The following PARM1 variants were observed in gnomAD, a reference collection of about 807,000 sequenced individuals.
PARM1 encodes the protein prostate androgen-regulated mucin-like protein 1.
A neutral mutation model predicts 24.6 loss-of-function variants in PARM1; 14 were observed. The observed-to-expected ratio is 0.57, with a 90% CI of 0.38 to 0.89. PARM1 has a LOEUF of 0.89. Among genes scored for constraint, PARM1 ranks in the 40% least tolerant of loss-of-function variants. PARM1 has a pLI of 0.00. For synonymous variants in PARM1, 179 were observed against 156.6 expected (o/e 1.14, Z -1.07); for missense variants, 362 against 380.4 (o/e 0.95, Z 0.40).
At chr4:74,972,216 CTG>C (rs1722052144) in intron 1 of PARM1, among the ~76,000 whole-genome samples, 1 of 152,184 alleles carries the variant, frequency 6.6e-6, no homozygotes, top group African/African-American at 2.4e-5. Context: ...CCACATGGCT[CTG>C]GGATTGCCTG....
intron 1 of PARM1, among the ~76,000 whole-genome samples, chr4:74,992,875 C>A (rs1159290218): frequency 6.6e-6 from 1 of 152,126 alleles, no homozygotes; most frequent in African/African-American, 2.4e-5. Context: ...AGATGAAAAT[C>A]TGGATCTAAA....
rs979524118 is a variant in PARM1 at position 74,946,455 on chromosome 4, A to G, written c.43+13085A>G. On this transcript the variant is annotated intron_variant, in intron 1 of 3. Transcript: ENST00000307428. ...GCCAGTCTTGGGACTTATTTAGGCC[A>G]TGCCAAATTGCCTGCTCTCTTCCAA... Among the ~76,000 whole-genome samples, 7 of 152,346 alleles carry G rather than the reference A, an allele frequency of 4.6e-5. No homozygotes were observed. The South Asian group carries it at 1.5e-3, about 32-fold the overall frequency.
chr4:74,946,146 A>G (rs1353999639), intron 1 of PARM1, among the ~76,000 whole-genome samples: 1 of 152,222 alleles, frequency 6.6e-6, no homozygotes, highest in African/African-American at 2.4e-5. Flanking sequence ...TTTGCCGTTC[A>G]GGTCACTGAG....
chr4:74,990,404 GAA>G (rs1560785293), intron 1 of PARM1, among the ~76,000 whole-genome samples: 1 of 152,114 alleles, frequency 6.6e-6, no homozygotes, highest in Non-Finnish European at 1.5e-5. Context: ...CTGGAAGGAG[GAA>G]AAGTTTTGCA....
At chr4:74,978,757 GTC>G (rs1722187704) in intron 1 of PARM1, among the ~76,000 whole-genome samples, 1 of 151,690 alleles carries the variant, frequency 6.6e-6, no homozygotes, top group African/African-American at 2.4e-5. Context: ...CATCATAACA[GTC>G]TCTCAGACCA....
intron 1 of PARM1, among the ~76,000 whole-genome samples, chr4:74,982,414 A>G (rs1476403038): frequency 6.6e-6 from 1 of 152,222 alleles, no homozygotes; most frequent in Non-Finnish European, 1.5e-5. Flanking sequence ...TTACTTATGT[A>G]ACAAACCTGT....
chr4:75,040,167 A>G (rs17000124), intron 3 of PARM1, among the ~76,000 whole-genome samples: 3,274 of 152,274 alleles, frequency 0.022, 132 homozygotes, highest in African/African-American at 0.075. Context: ...GTTTACTCCT[A>G]ATCAAGAAGA....
chr4:74,971,523 A>G (rs531148033), intron 1 of PARM1, among the ~76,000 whole-genome samples: 3 of 152,312 alleles, frequency 2.0e-5, no homozygotes, highest in Admixed American at 2.0e-4. Flanking sequence ...GGCATATCCT[A>G]TTTTATTAAC....
intron 2 of PARM1, among the ~76,000 whole-genome samples, chr4:75,022,477 A>G (rs1172416987): frequency 1.3e-5 from 2 of 152,188 alleles, no homozygotes; most frequent in South Asian, 2.1e-4. Context: ...GCTATTTACT[A>G]TCTATTTAGT....
chr4:74,984,035 G>C (rs557186752), intron 1 of PARM1, among the ~76,000 whole-genome samples: 1 of 152,320 alleles, frequency 6.6e-6, no homozygotes, highest in South Asian at 2.1e-4. Flanking sequence ...GGAACTACAG[G>C]TGTGTGCCAC....
intron 2 of PARM1, among the ~76,000 whole-genome samples, chr4:75,023,759 A>G (rs1017416058): frequency 3.3e-5 from 5 of 152,228 alleles, no homozygotes; most frequent in African/African-American, 1.2e-4. Flanking sequence ...TAGCTAAGAG[A>G]AAGGCAATCT....
At chr4:74,980,265 A>C (rs558826986) in intron 1 of PARM1, among the ~76,000 whole-genome samples, 1 of 152,308 alleles carries the variant, frequency 6.6e-6, no homozygotes, top group Non-Finnish European at 1.5e-5. Flanking sequence ...AACTTCAGCA[A>C]AGTCTCAGGG....
chr4:74,958,470 C>T (rs1230167251), intron 1 of PARM1, among the ~76,000 whole-genome samples: 5 of 151,996 alleles, frequency 3.3e-5, no homozygotes, highest in Non-Finnish European at 5.9e-5. Flanking sequence ...GAGTTACTTT[C>T]TAAAGGATAA....
intron 1 of PARM1, among the ~76,000 whole-genome samples, chr4:74,947,422 A>G (rs1721432595): frequency 6.6e-6 from 1 of 152,238 alleles, no homozygotes; most frequent in African/African-American, 2.4e-5. Context: ...AACTAGAAAG[A>G]GACTTAAGAG....
intron 1 of PARM1, among the ~76,000 whole-genome samples, chr4:74,995,184 C>G (rs1045710207): frequency 2.6e-5 from 4 of 151,986 alleles, no homozygotes; most frequent in Non-Finnish European, 5.9e-5. Flanking sequence ...TAATTGGGAG[C>G]CTTATAAGAT....
intron 1 of PARM1, among the ~76,000 whole-genome samples, chr4:75,009,957 AATTAAGCAAAAAATTACCATATGATTC>A (rs1442880466): frequency 3.3e-5 from 5 of 152,236 alleles, no homozygotes; most frequent in African/African-American, 4.8e-5. Context: ...TCCTCAAAAA[AATTAAGCAAAAAATTACCATATGATTC>A]ATTAATTCCA....
chr4:75,045,285 C>G (rs1351204596), intron 3 of PARM1, among the ~76,000 whole-genome samples: 1 of 152,124 alleles, frequency 6.6e-6, no homozygotes. Context: ...GGCTGGTATG[C>G]TTAGAAAAGT....
chr4:75,000,241 C>T (rs566488755), intron 1 of PARM1, among the ~76,000 whole-genome samples: 1 of 152,170 alleles, frequency 6.6e-6, no homozygotes, highest in Non-Finnish European at 1.5e-5. Context: ...ACATAGTAGC[C>T]TCATATTGAT....
At chr4:75,008,622 C>T (rs1308519114) in intron 1 of PARM1, among the ~76,000 whole-genome samples, 3 of 152,148 alleles carry the variant, frequency 2.0e-5, no homozygotes, top group Non-Finnish European at 4.4e-5. Flanking sequence ...TTTTTACATT[C>T]CATGGTATCA....
Sources: allele counts gnomAD v4.1 joint callset (sites outside exome capture counted in the v4.1 genomes callset), GRCh38; gene constraint gnomAD v4.1.1; transcripts MANE v1.5; gene names NCBI Gene and HGNC (gene_info 2026-07-23, HGNC 2026-07-21).